The following SATB2 variants were observed in gnomAD, a reference collection of about 807,000 sequenced individuals.
The protein encoded by SATB2 is SATB homeobox 2.
In SATB2, 1 loss-of-function variant was observed where a neutral mutation model predicts 73.4. The ratio of observed to expected loss-of-function variants is 0.01; its 90% CI spans 0.00 to 0.06. SATB2 has a LOEUF of 0.06. Among genes scored for constraint, SATB2 ranks in the 10% least tolerant of loss-of-function variants. The pLI is 1.00. For synonymous variants in SATB2, 397 were observed against 367.0 expected, an observed-to-expected ratio of 1.08 and a Z score of -0.93; for missense variants, 459 against 945.8, an observed-to-expected ratio of 0.49 and a Z score of 6.75.
At chr2:199,318,781 T>C (rs1420745164) in intron 9 of SATB2, among the ~76,000 whole-genome samples, 3 of 151,290 alleles carry the variant, frequency 2.0e-5, no homozygotes, top group Non-Finnish European at 4.4e-5. Flanking sequence ...CAAAAATTAA[T>C]TACTCTCTTT....
chr2:199,360,758 C>T (rs1206819844), intron 6 of SATB2, among the ~76,000 whole-genome samples: 1 of 152,116 alleles, frequency 6.6e-6, no homozygotes, highest in Non-Finnish European at 1.5e-5. Context: ...CAGTTAGCCA[C>T]GTTTAGACTC....
chr2:199,310,160 C>T (rs987248581), intron 9 of SATB2, among the ~76,000 whole-genome samples: 20 of 152,160 alleles, frequency 1.3e-4, no homozygotes, highest in African/African-American at 3.6e-4. Context: ...GCTGCAGCAC[C>T]GCGAAGAGAC....
chr2:199,281,668 CT>C (rs892670823), intron 10 of SATB2, among the ~76,000 whole-genome samples: 14 of 151,994 alleles, frequency 9.2e-5, no homozygotes, highest in Admixed American at 3.3e-4. Context: ...TAATATTCCC[CT>C]TTTTTCAAAA....
At chr2:199,434,063 T>C (rs375568127) in intron 2 of SATB2, among the ~76,000 whole-genome samples, 167 of 152,264 alleles carry the variant, frequency 1.1e-3, no homozygotes, top group Middle Eastern at 3.4e-3. Flanking sequence ...TAAGCTGTTA[T>C]GTGAATATAA....
chr2:199,302,995 A>G (rs1687330008), intron 10 of SATB2, among the ~76,000 whole-genome samples: 2 of 152,350 alleles, frequency 1.3e-5, no homozygotes, highest in South Asian at 2.1e-4. Flanking sequence ...TCTGTAAATA[A>G]GAAAACTCCC....
intron 5 of SATB2, among the ~76,000 whole-genome samples, chr2:199,376,224 T>C (rs1221378540): frequency 2.0e-5 from 3 of 151,920 alleles, no homozygotes; most frequent in African/African-American, 7.3e-5. Flanking sequence ...AAACAACAGA[T>C]ATGAGCCCCT....
At position 199,272,385 on chromosome 2, in the gene SATB2, C is replaced by T; in HGVS notation, c.2028G>A (p.Leu676=). The change falls in exon 11 of 11, where the codon CTG becomes CTA. Residue 676 remains leucine, a synonymous_variant. Coordinates refer to ENST00000417098, the MANE Select transcript of SATB2 (RefSeq NM_001172509.2). This position sits in a 1 kb window ranked among gnomAD's most constrained non-coding sequence, Gnocchi z 6.7. ...QRYHVKHHGK[L]KEHLGSAVDV... Reference sequence around the variant, plus strand: ...CCACCGCGGAGCCCAGGTGCTCTTTCAGCTTCCCGTGGTGCTTCACGTGGT... The same window carrying T: ...CCACCGCGGAGCCCAGGTGCTCTTTTAGCTTCCCGTGGTGCTTCACGTGGT... The T allele has an allele frequency of 6.2e-7, 1 of 1,614,198 alleles. No homozygotes were observed. Among genetic ancestry groups the T allele is most frequent in the African/African-American group, 1.3e-5 (1 of 75,044 alleles).
At chr2:199,426,195 A>C (rs1018003066) in intron 3 of SATB2, among the ~76,000 whole-genome samples, 1 of 152,228 alleles carries the variant, frequency 6.6e-6, no homozygotes, top group East Asian at 1.9e-4. Flanking sequence ...TTTAGTGTTT[A>C]AAGAAGAAAA....
chr2:199,324,878 G>A (rs573159018), intron 8 of SATB2, among the ~76,000 whole-genome samples: 4 of 152,248 alleles, frequency 2.6e-5, no homozygotes, highest in African/African-American at 4.8e-5. Flanking sequence ...ACTACCAGCC[G>A]AATTGGCCTA....
intron 5 of SATB2, among the ~76,000 whole-genome samples, chr2:199,375,103 C>T (rs992703027): frequency 6.6e-6 from 1 of 152,168 alleles, no homozygotes; most frequent in Non-Finnish European, 1.5e-5. Flanking sequence ...GGTCAAAACC[C>T]TGAGCACCTG....
At chr2:199,311,105 T>G (rs924340806) in intron 9 of SATB2, among the ~76,000 whole-genome samples, 1 of 152,140 alleles carries the variant, frequency 6.6e-6, no homozygotes, top group Non-Finnish European at 1.5e-5. Flanking sequence ...GGGAGCAGAT[T>G]AGACACAAGT....
chr2:199,323,704 CTGT>C, intron 9 of SATB2, 96 bp downstream of exon 9: 1 of 1,268,188 alleles, frequency 7.9e-7, no homozygotes, highest in Non-Finnish European at 1.1e-6. Flanking sequence ...GGGGTTATTA[CTGT>C]TATTATTATT....
At chr2:199,317,864 G>A (rs1462628078) in intron 9 of SATB2, among the ~76,000 whole-genome samples, 1 of 151,940 alleles carries the variant, frequency 6.6e-6, no homozygotes, top group Admixed American at 6.6e-5. Flanking sequence ...CACTTAGTTT[G>A]GCATTTGGGA....
chr2:199,280,838 T>G (rs1259807078), intron 10 of SATB2, among the ~76,000 whole-genome samples: 7 of 152,206 alleles, frequency 4.6e-5, no homozygotes, highest in Admixed American at 4.6e-4. Flanking sequence ...GATCTCGCCC[T>G]GCCTCCATTT....
chr2:199,376,531 C>T (rs553444346), intron 5 of SATB2, among the ~76,000 whole-genome samples: 10 of 152,160 alleles, frequency 6.6e-5, no homozygotes, highest in African/African-American at 9.6e-5. Context: ...GGGTAATGGA[C>T]GGGGATGCTG....
intron 10 of SATB2, among the ~76,000 whole-genome samples, chr2:199,300,922 T>C (rs733156): frequency 0.78 from 118,411 of 151,634 alleles, 48,077 homozygotes; most frequent in Non-Finnish European, 0.89. Flanking sequence ...TGGAAGGCGG[T>C]GTGTTATGGA....
Position 199,296,188 on chromosome 2 carries a change from T to C in SATB2, c.1740+12572A>G, listed in dbSNP as rs190320730. 5.3e-4 allele frequency among the ~76,000 whole-genome samples: 81 copies of C among 152,332 alleles called. 2 individuals are homozygous for C. Among genetic ancestry groups the C allele is most frequent in the Admixed American group, 5.2e-3 (80 of 15,304 alleles). ...AATATAAGATGTTCATAATCTGTTA[T>C]AGTGTTGCTAATTTGTTTTTCCAAA... On this transcript the variant is annotated intron_variant, in intron 10 of 10. Coordinates refer to ENST00000417098, the MANE Select transcript of SATB2 (RefSeq NM_001172509.2).
intron 10 of SATB2, among the ~76,000 whole-genome samples, chr2:199,273,395 T>C (rs981998455): frequency 1.3e-5 from 2 of 152,214 alleles, no homozygotes; most frequent in African/African-American, 4.8e-5. Context: ...GCCTCATCTC[T>C]GGCTTAGAGC....
chr2:199,435,190 T>C (rs1481011810), intron 2 of SATB2, among the ~76,000 whole-genome samples: 1 of 152,120 alleles, frequency 6.6e-6, no homozygotes, highest in Non-Finnish European at 1.5e-5. Flanking sequence ...AGTAGACTGA[T>C]TTTTTAGACA....
Sources: allele counts gnomAD v4.1 joint callset (sites outside exome capture counted in the v4.1 genomes callset), GRCh38; gene constraint gnomAD v4.1.1; non-coding constraint Gnocchi (gnomAD v3.1); transcripts MANE v1.5; gene names NCBI Gene and HGNC (gene_info 2026-07-23, HGNC 2026-07-21).